ENOX1: variants seen among roughly 807,000 people sequenced by gnomAD.
ENOX1 encodes the protein candidate growth-related and time keeping constitutive hydroquinone (NADH) oxidase.
A neutral mutation model predicts 82.5 loss-of-function variants in ENOX1; 42 were observed. That is an observed-to-expected ratio of 0.51 (90% confidence interval 0.40 to 0.66). ENOX1 has a LOEUF of 0.66. Ranked by LOEUF, ENOX1 falls within the 30% of genes least tolerant of loss-of-function variation. ENOX1 has a pLI of 0.00. For missense variants in ENOX1, 608 were observed against 811.6 expected, an observed-to-expected ratio of 0.75 and a Z score of 3.05; for synonymous variants, 271 against 282.2, an observed-to-expected ratio of 0.96 and a Z score of 0.40.
intron 2 of ENOX1, among the ~76,000 whole-genome samples, chr13:43,522,508 C>T (rs2153683588): frequency 6.6e-6 from 1 of 152,178 alleles, no homozygotes; most frequent in Admixed American, 6.5e-5. Flanking sequence ...GCTAAAGTCA[C>T]ATAACTAATT....
intron 6 of ENOX1, 91 bp downstream of exon 6, chr13:43,361,188 A>T: frequency 7.6e-7 from 1 of 1,321,346 alleles, no homozygotes; most frequent in Non-Finnish European, 1.1e-6. Flanking sequence ...TTTACGTGTG[A>T]GTCACATCTG....
At chr13:43,698,569 T>C (rs941282654) in intron 1 of ENOX1, among the ~76,000 whole-genome samples, 1 of 152,190 alleles carries the variant, frequency 6.6e-6, no homozygotes, top group Non-Finnish European at 1.5e-5. Flanking sequence ...TTTAAAATAC[T>C]ACAATTTTAA....
intron 5 of ENOX1, among the ~76,000 whole-genome samples, chr13:43,368,979 C>T (rs1419716347): frequency 1.3e-5 from 2 of 151,902 alleles, no homozygotes; most frequent in Non-Finnish European, 2.9e-5. Context: ...GCATGCCTTC[C>T]TTTGGATGCC....
intron 5 of ENOX1, among the ~76,000 whole-genome samples, chr13:43,391,045 A>G (rs2052743594): frequency 6.6e-6 from 1 of 151,946 alleles, no homozygotes; most frequent in African/African-American, 2.4e-5. Flanking sequence ...TCAACCTTTA[A>G]CCCACTGACC....
At chr13:43,627,481 A>G (rs1183498954) in intron 2 of ENOX1, among the ~76,000 whole-genome samples, 1 of 151,976 alleles carries the variant, frequency 6.6e-6, no homozygotes, top group African/African-American at 2.4e-5. Context: ...TATTAGTATC[A>G]TTTTATCAGT....
intron 2 of ENOX1, among the ~76,000 whole-genome samples, chr13:43,599,202 A>G (rs2081598226): frequency 6.6e-6 from 1 of 152,166 alleles, no homozygotes; most frequent in South Asian, 2.1e-4. Context: ...AGCACCTTTA[A>G]AAGAACCAAA....
intron 3 of ENOX1, among the ~76,000 whole-genome samples, chr13:43,471,719 A>G (rs1214429963): frequency 6.6e-6 from 1 of 150,514 alleles, no homozygotes; most frequent in African/African-American, 2.4e-5. Context: ...CTGAGGCAGG[A>G]GAATGGTGTA....
intron 1 of ENOX1, among the ~76,000 whole-genome samples, chr13:43,697,052 T>C (rs1278251553): frequency 6.6e-6 from 1 of 151,876 alleles, no homozygotes; most frequent in Non-Finnish European, 1.5e-5. Flanking sequence ...ATTTAGAAGG[T>C]GGAATACAAG....
At chr13:43,704,519 G>A (rs773748129) in intron 1 of ENOX1, among the ~76,000 whole-genome samples, 1 of 152,080 alleles carries the variant, frequency 6.6e-6, no homozygotes, top group African/African-American at 2.4e-5. Flanking sequence ...TTTTCCCTTA[G>A]GACAAGATAG....
rs182339663 is a variant in ENOX1 at position 43,485,903 on chromosome 13, C to G, written c.-218-1751G>C. Among the ~76,000 whole-genome samples, 7 of 152,276 alleles carry G rather than the reference C, an allele frequency of 4.6e-5. 1 individual carries two copies. The highest frequency in any genetic ancestry group is 3.9e-4 in the Admixed American group (6 of 15,296). On this transcript the variant is annotated intron_variant, in intron 2 of 16. Coordinates refer to ENST00000690772, the MANE Select transcript of ENOX1 (RefSeq NM_001347969.2). ...CCAGCCTGGCCAATGTGGTGAAACC[C>G]TGTCTTTACAAAAAATACAAAAATT...
At chr13:43,615,315 G>A (rs1389911522) in intron 2 of ENOX1, among the ~76,000 whole-genome samples, 1 of 152,098 alleles carries the variant, frequency 6.6e-6, no homozygotes, top group Non-Finnish European at 1.5e-5. Flanking sequence ...TGGAATAATA[G>A]TGAGCAATAA....
intron 2 of ENOX1, among the ~76,000 whole-genome samples, chr13:43,537,045 TAA>T (rs1268615701): frequency 1.3e-5 from 2 of 152,138 alleles, no homozygotes; most frequent in African/African-American, 4.8e-5. Flanking sequence ...CACACATAGG[TAA>T]AGTCTTTGAA....
chr13:43,754,314 T>TGC lies in ENOX1; in HGVS notation c.-285+32337_-285+32338insGC, dbSNP rs1950521863. Reference sequence around the variant, plus strand: ...ACACATATATGCGTGTATGTATGTGTGTGTGTGTGTATATATATATATATT... The same window carrying TGC: ...ACACATATATGCGTGTATGTATGTGTGCGTGTGTGTGTATATATATATATATT... On this transcript the variant is annotated intron_variant, in intron 1 of 16. Coordinates refer to ENST00000690772, the MANE Select transcript of ENOX1 (RefSeq NM_001347969.2). Among the ~76,000 whole-genome samples the TGC allele has an allele frequency of 4.9e-5, 3 of 61,702 alleles. No homozygotes were observed. In the South Asian group the frequency reaches 3.3e-3, roughly 68 times the overall value. 40.5% of individuals were successfully genotyped at this position (61,702 alleles called of 152,430 possible).
intron 1 of ENOX1, among the ~76,000 whole-genome samples, chr13:43,760,860 GAAAA>G (rs386378983): frequency 1.6e-5 from 2 of 127,318 alleles, no homozygotes; most frequent in African/African-American, 6.0e-5. Flanking sequence ...CATTAAAGTG[GAAAA>G]AAAAAAAAAA....
At chr13:43,373,529 T>C (rs1003940002) in intron 5 of ENOX1, among the ~76,000 whole-genome samples, 4 of 152,210 alleles carry the variant, frequency 2.6e-5, no homozygotes, top group African/African-American at 7.2e-5. Flanking sequence ...TTTGTAATTC[T>C]ATTTTATTCA....
chr13:43,677,341 G>A (rs1191187743), intron 1 of ENOX1, among the ~76,000 whole-genome samples: 1 of 152,086 alleles, frequency 6.6e-6, no homozygotes, highest in Admixed American at 6.6e-5. Flanking sequence ...GTGGCCAAAA[G>A]GAAGCAATGG....
chr13:43,359,899 T>C lies in ENOX1; in HGVS notation c.541A>G (p.Ile181Val), dbSNP rs1490438320. ...IRKSKKNFCH[I>V]RFAEEFMVDK... is the part of the protein sequence containing the mutation. ...ACCATGAATTCCTCTGCAAAGCGAA[T>C]GTGACAAAAATTCTTCTTGCTTTTC... is the stretch of plus-strand genomic sequence containing the variant. The change falls in exon 7 of 17, where the codon ATT becomes GTT. Residue 181 changes from isoleucine to valine, a missense_variant. By Grantham distance (29) the Ile-to-Val change is conservative (BLOSUM62 3). Coordinates refer to ENST00000690772, the MANE Select transcript of ENOX1 (RefSeq NM_001347969.2). The C allele has an allele frequency of 6.2e-7, 1 of 1,614,110 alleles. No individual in the cohort carries two copies. Among genetic ancestry groups the C allele is most frequent in the African/African-American group, 1.3e-5 (1 of 74,936 alleles).
intron 3 of ENOX1, among the ~76,000 whole-genome samples, chr13:43,427,078 G>A (rs9316022): frequency 0.62 from 94,479 of 152,046 alleles, 29,701 homozygotes; most frequent in African/African-American, 0.72. Context: ...CAATCTGAGA[G>A]TAAATATCAA....
Position 43,356,015 on chromosome 13 carries a change from G to C in ENOX1, c.727C>G (p.Arg243Gly). The C allele has an allele frequency of 1.9e-6, 3 of 1,614,018 alleles. No individual in the cohort carries two copies. The highest frequency in any genetic ancestry group is 2.5e-6 in the Non-Finnish European group (3 of 1,180,026). Residue 243 changes from arginine to glycine, a missense_variant, in exon 8 of 17, where the codon CGC becomes GGC. Transcript: ENST00000690772. Reference sequence around the variant, plus strand: ...CTGAGCCGGTCCTCCTCCAGCTTGCGCCGGTGCCGCTCCTCCCGGGCACGC... The same window carrying C: ...CTGAGCCGGTCCTCCTCCAGCTTGCCCCGGTGCCGCTCCTCCCGGGCACGC... ...RMRAREERHR[R>G]KLEEDRLRPP...
Sources: gnomAD v4.1 joint callset for allele counts (sites outside exome capture counted in the v4.1 genomes callset) on GRCh38, gnomAD v4.1.1 for gene constraint, MANE v1.5 for transcripts, NCBI Gene and HGNC (gene_info 2026-07-23, HGNC 2026-07-21) for gene names.